GAREM1: variants seen among roughly 807,000 people sequenced by gnomAD.
GAREM1 encodes GRB2 associated regulator of MAPK1 subtype 1, also known as GRB2-associated and regulator of MAPK protein 1.
GAREM1 carries 26 observed loss-of-function variants against 71.3 expected under a neutral mutation model. The ratio of observed to expected loss-of-function variants is 0.36; its 90% CI spans 0.27 to 0.51. GAREM1 has a LOEUF of 0.51. Ranked by LOEUF, GAREM1 falls within the 20% of genes least tolerant of loss-of-function variation. The pLI, the probability that GAREM1 is intolerant of heterozygous loss-of-function variation, is 0.95. For synonymous variants in GAREM1, 440 were observed against 433.2 expected (o/e 1.02, Z -0.20); for missense variants, 1,026 against 1,103.1 (o/e 0.93, Z 0.99).
intron 1 of GAREM1, among the ~76,000 whole-genome samples, chr18:32,443,772 G>A (rs1229168854): frequency 6.6e-6 from 1 of 152,142 alleles, no homozygotes; most frequent in African/African-American, 2.4e-5. Flanking sequence ...TTGTAGGTAC[G>A]CATCCAACAG....
chr18:32,378,515 A>C (rs934611155), intron 2 of GAREM1, among the ~76,000 whole-genome samples: 3 of 151,278 alleles, frequency 2.0e-5, no homozygotes, highest in Non-Finnish European at 2.9e-5. Flanking sequence ...AAAAAAAAAA[A>C]CAAAAAGCAA....
At chr18:32,345,943 C>T (rs1231790588) in intron 2 of GAREM1, among the ~76,000 whole-genome samples, 1 of 152,060 alleles carries the variant, frequency 6.6e-6, no homozygotes, top group East Asian at 1.9e-4. Flanking sequence ...CATTAACTAT[C>T]GTAAGGTGAA....
chr18:32,410,206 C>T (rs2048403138), intron 1 of GAREM1, among the ~76,000 whole-genome samples: 1 of 152,196 alleles, frequency 6.6e-6, no homozygotes, highest in African/African-American at 2.4e-5. Flanking sequence ...AAGATCCCAA[C>T]CTCTCCATCC....
intron 3 of GAREM1, among the ~76,000 whole-genome samples, chr18:32,291,260 T>C (rs1214093163): frequency 6.6e-6 from 1 of 151,652 alleles, no homozygotes; most frequent in East Asian, 1.9e-4. Context: ...TATACTTTTT[T>C]TTTGTTTAAG....
chr18:32,417,113 G>A (rs1318796966), intron 1 of GAREM1, among the ~76,000 whole-genome samples: 1 of 152,132 alleles, frequency 6.6e-6, no homozygotes, highest in Non-Finnish European at 1.5e-5. Context: ...ACAGATATAT[G>A]AAAAAGTGCT....
At chr18:32,286,561 G>A (rs1184675986) in intron 4 of GAREM1, among the ~76,000 whole-genome samples, 3 of 152,098 alleles carry the variant, frequency 2.0e-5, no homozygotes, top group Admixed American at 2.0e-4. Context: ...AAATCTAGGA[G>A]TTTTCTTTGA....
At chr18:32,418,929 G>A (rs1287734103) in intron 1 of GAREM1, among the ~76,000 whole-genome samples, 1 of 152,214 alleles carries the variant, frequency 6.6e-6, no homozygotes, top group African/African-American at 2.4e-5. Flanking sequence ...CTTAAATATA[G>A]TCAGACGTCT....
chr18:32,412,725 A>G, intron 1 of GAREM1: 3 of 1,440,086 alleles, frequency 2.1e-6, no homozygotes, highest in Non-Finnish European at 2.9e-6. Flanking sequence ...GTCAAAGGTT[A>G]CAAAGGCAAA....
At chr18:32,304,846 G>A (rs180802025) in intron 3 of GAREM1, among the ~76,000 whole-genome samples, 5 of 151,870 alleles carry the variant, frequency 3.3e-5, no homozygotes, top group South Asian at 2.1e-4. Context: ...TCTGTAGATC[G>A]TGGTGGCCTG....
At chr18:32,398,174 G>A (rs1278297079) in intron 1 of GAREM1, among the ~76,000 whole-genome samples, 1 of 152,172 alleles carries the variant, frequency 6.6e-6, no homozygotes, top group Non-Finnish European at 1.5e-5. Flanking sequence ...AGTGTGTAGA[G>A]GGAAATTTAT....
chr18:32,455,194 T>C (rs903697149), intron 1 of GAREM1, among the ~76,000 whole-genome samples: 33 of 152,180 alleles, frequency 2.2e-4, no homozygotes, highest in African/African-American at 7.5e-4. Flanking sequence ...AGATTTACAT[T>C]GCCCTACATT....
At chr18:32,318,746 A>T (rs2047404039) in intron 2 of GAREM1, among the ~76,000 whole-genome samples, 1 of 152,182 alleles carries the variant, frequency 6.6e-6, no homozygotes, top group African/African-American at 2.4e-5. Flanking sequence ...TTGTGTATCA[A>T]ATAAAAAGAA....
intron 2 of GAREM1, among the ~76,000 whole-genome samples, chr18:32,315,280 A>T (rs2047364698): frequency 1.3e-5 from 2 of 151,982 alleles, no homozygotes; most frequent in Non-Finnish European, 2.9e-5. Flanking sequence ...TCTAGCAGAA[A>T]TATAACAAGC....
chr18:32,268,991 T>C (rs1372566184), intron 5 of GAREM1, among the ~76,000 whole-genome samples: 1 of 152,192 alleles, frequency 6.6e-6, no homozygotes, highest in Non-Finnish European at 1.5e-5. Flanking sequence ...ACAGTGGAGA[T>C]AAAATAAATA....
chr18:32,425,214 A>G (rs898381790), intron 1 of GAREM1, among the ~76,000 whole-genome samples: 26 of 152,172 alleles, frequency 1.7e-4, no homozygotes, highest in African/African-American at 6.3e-4. Context: ...CACTTTAAAA[A>G]TATATATTTT....
chr18:32,404,267 GCT>G (rs1476508746), intron 1 of GAREM1, among the ~76,000 whole-genome samples: 2 of 152,104 alleles, frequency 1.3e-5, no homozygotes, highest in African/African-American at 2.4e-5. Context: ...TCTATTAAAT[GCT>G]TTTTTATTTT....
chr18:32,280,547 G>A (rs1260036038), intron 4 of GAREM1, among the ~76,000 whole-genome samples: 3 of 151,990 alleles, frequency 2.0e-5, no homozygotes, highest in Non-Finnish European at 2.9e-5. Flanking sequence ...CAAAACCCCC[G>A]ACTCTGCCAC....
chr18:32,308,007 T>A lies in GAREM1; in HGVS notation c.393+2186A>T, dbSNP rs114079544. On this transcript the variant is annotated intron_variant, in intron 3 of 5. Transcript: ENST00000269209. ...AAATTTCCTGAGGTTCCTATAACAA[T>A]CCTTCTTTGAACAGAATTGAATAAT... Among the ~76,000 whole-genome samples, 1,165 of 152,300 alleles carry A rather than the reference T, an allele frequency of 7.6e-3. 21 individuals are homozygous for A. The highest frequency in any genetic ancestry group is 0.026 in the African/African-American group (1,101 of 41,552).
chr18:32,365,725 C>A (rs966451880), intron 2 of GAREM1, among the ~76,000 whole-genome samples: 5 of 152,172 alleles, frequency 3.3e-5, no homozygotes, highest in Admixed American at 1.3e-4. Context: ...CTGCCACCAG[C>A]ACTTCATCAA....
Sources: allele counts gnomAD v4.1 joint callset (sites outside exome capture counted in the v4.1 genomes callset), GRCh38; gene constraint gnomAD v4.1.1; transcripts MANE v1.5; gene names NCBI Gene and HGNC (gene_info 2026-07-23, HGNC 2026-07-21).